Variants in PKLR observed in about 807,000 individuals in gnomAD.
PKLR encodes the protein pyruvate kinase L/R.
Under a neutral mutation model 53.6 loss-of-function variants are expected in PKLR, and 38 were observed. That is an observed-to-expected ratio of 0.71 (90% CI 0.55 to 0.93). The LOEUF is 0.93. Ranked by LOEUF, PKLR falls within the 40% of genes least tolerant of loss-of-function variation. The pLI, the probability that PKLR is intolerant of heterozygous loss-of-function variation, is 0.00. For missense variants in PKLR, 702 were observed against 787.3 expected (o/e 0.89, Z 1.30); for synonymous variants, 328 against 316.2 (o/e 1.04, Z -0.39).
At chr1:155,302,058 CTTTT>C (rs1252235912), upstream of PKLR, among the ~76,000 whole-genome samples, 2 of 150,218 alleles carry the variant, frequency 1.3e-5, no homozygotes, top group East Asian at 3.9e-4. Context: ...TTTCTTTTTT[CTTTT>C]TTTTCTTTTT....
At chr1:155,301,769 G>A (rs1179585003), upstream of PKLR, among the ~76,000 whole-genome samples, 1 of 152,106 alleles carries the variant, frequency 6.6e-6, no homozygotes, top group Admixed American at 6.5e-5. Flanking sequence ...AGGGATCACT[G>A]TGATAATATG....
At chr1:155,299,491 CTTTTTTTTTT>C (rs35869567) in intron 2 of PKLR, among the ~76,000 whole-genome samples, 6 of 42,710 alleles carry the variant, frequency 1.4e-4, no homozygotes, top group Admixed American at 4.0e-4. Context: ...GCCCAGCCCA[CTTTTTTTTTT>C]TTTTTTTTTT....
chr1:155,303,053 C>T (rs1648116679), upstream of PKLR, among the ~76,000 whole-genome samples: 1 of 152,186 alleles, frequency 6.6e-6, no homozygotes, highest in Non-Finnish European at 1.5e-5. Context: ...CCTATAAACA[C>T]CATACCCCGA....
chr1:155,299,475 C>G (rs1369137180), intron 2 of PKLR, among the ~76,000 whole-genome samples: 1 of 148,516 alleles, frequency 6.7e-6, no homozygotes, highest in Non-Finnish European at 1.5e-5. Context: ...AGGCATGAGC[C>G]ACTGAGCCCA....
Position 155,294,764 on chromosome 1 carries a change from G to A in PKLR, c.695-12C>T. On this transcript the variant is annotated splice_polypyrimidine_tract_variant and intron_variant, in intron 5 of 10. Transcript: ENST00000342741. ...CAGTCCCTCTGGGCCTGCGGACATGGAAAGAGCCAGCTGCGGTCAGGGGTG... is the reference window on the plus strand; with the variant it reads ...CAGTCCCTCTGGGCCTGCGGACATGAAAAGAGCCAGCTGCGGTCAGGGGTG... The A allele has an allele frequency of 6.2e-7, 1 of 1,613,770 alleles. No individual in the cohort carries two copies. The highest frequency in any genetic ancestry group is 1.1e-5 in the South Asian group (1 of 91,068).
Position 155,300,148 on chromosome 1 carries a change from A to G in PKLR, c.233T>C (p.Ile78Thr). 6.2e-7 allele frequency: 1 copy of G among 1,614,018 alleles called. No individual in the cohort carries two copies. The highest frequency in any genetic ancestry group is 8.5e-7 in the Non-Finnish European group (1 of 1,180,020). The change falls in exon 2 of 11, where the codon ATT (isoleucine) becomes ACT (threonine). Residue 78 changes from isoleucine (I) to threonine (T), a missense_variant. By Grantham distance (89) the Ile-to-Thr change is moderately conservative. Around this residue, in one of 2 missense-constraint regions of PKLR, gnomAD observed 519 missense variants for 537.1 expected, o/e 0.97. Transcript: ENST00000342741. ...GCGAGCAGCCACGGGCTCGGAGTCA[A>G]TGTCCAGTAGGCAGAGGTGTTCCAG... ...TFLEHLCLLDIDSEPVAARST... is the reference protein window; with the variant it reads ...TFLEHLCLLDTDSEPVAARST...
At chr1:155,306,481 G>A in the PKLR span, among the ~76,000 whole-genome samples, 1 of 152,158 alleles carries the variant, frequency 6.6e-6, no homozygotes, top group African/African-American at 2.4e-5. The surrounding 1 kb of genome is among the most constrained non-coding windows in gnomAD (Gnocchi z 4.2). Flanking sequence ...AAAGGAAGTC[G>A]GGGGGCACTG....
Position 155,300,962 on chromosome 1 carries a change from C to T in PKLR, c.100+334G>A. On this transcript the variant is annotated intron_variant, in intron 1 of 10. Coordinates refer to ENST00000342741, the MANE Select transcript of PKLR (RefSeq NM_000298.6). ...TGTTGGGTTGTCAGAGGCATGAGGC[C>T]CAGCTGGGCTGGGGATCAGTTCTGC... The T allele has an allele frequency of 1.9e-6, 3 of 1,576,966 alleles. No individual in the cohort carries two copies. The African/African-American group carries it at 4.1e-5, about 21-fold the overall frequency.
At chr1:155,294,860 C>G (rs1027664627) in intron 5 of PKLR, 108 bp from the exon 6 acceptor site, 1 of 1,355,110 alleles carries the variant, frequency 7.4e-7, no homozygotes, top group Non-Finnish European at 1.0e-6. Flanking sequence ...ACCATGTCCT[C>G]CTCATCTCTC....
the PKLR span, among the ~76,000 whole-genome samples, chr1:155,306,907 G>A: frequency 1.5e-4 from 23 of 152,228 alleles, no homozygotes; most frequent in Admixed American, 8.5e-4. This position sits in a 1 kb window ranked among gnomAD's most constrained non-coding sequence, Gnocchi z 4.2. Context: ...AGACCTTCGC[G>A]GTGAGTGTTA....
upstream of PKLR, among the ~76,000 whole-genome samples, chr1:155,305,467 G>A (rs759155914): frequency 3.9e-5 from 6 of 152,294 alleles, no homozygotes; most frequent in East Asian, 5.8e-4. Flanking sequence ...GAGGACTTCC[G>A]GAGGGAAATG....
At position 155,290,811 on chromosome 1, in the gene PKLR, A is replaced by G. The variant is rs1674498657; in HGVS notation, c.1619-133T>C. ...TGAGACCAGCCTGGCCAACATGGTG[A>G]AACCTTGTCTCTACTGAAAATACAA... On this transcript the variant is annotated intron_variant, in intron 10 of 10. Coordinates refer to ENST00000342741, the MANE Select transcript of PKLR (RefSeq NM_000298.6). 5.9e-6 allele frequency: 4 copies of G among 676,324 alleles called. No individual in the cohort carries two copies. In the Admixed American group the frequency reaches 8.2e-5, roughly 14 times the overall value. 41.9% of individuals were successfully genotyped at this position (676,324 alleles called of 1,614,324 possible).
At position 155,293,604 on chromosome 1, in the gene PKLR, T is replaced by G. The variant is rs772302948; in HGVS notation, c.1117-14A>C. ...GCTCTCCAGCATCTGGGGGACAGCG[T>G]GGATGTCAAAGTTGTAGGACTCACA... On this transcript the variant is annotated splice_polypyrimidine_tract_variant and intron_variant, in intron 7 of 10. Transcript: ENST00000342741. The surrounding 1 kb of genome is among the most constrained non-coding windows in gnomAD (Gnocchi z 4.2). The G allele has an allele frequency of 6.2e-7, 1 of 1,613,992 alleles. No homozygotes were observed. Among genetic ancestry groups the G allele is most frequent in the East Asian group, 2.2e-5 (1 of 44,882 alleles).
Position 155,300,188 on chromosome 1 carries a change from T to C in PKLR, c.193A>G (p.Met65Val), listed in dbSNP as rs773589949. 4 of 1,613,782 alleles carry C rather than the reference T, an allele frequency of 2.5e-6. No homozygotes were observed. The highest frequency in any genetic ancestry group is 3.4e-6 in the Non-Finnish European group (4 of 1,179,864). The change falls in exon 2 of 11, where the codon ATG (methionine) becomes GTG (valine). Residue 65 changes from methionine (M) to valine (V), a missense_variant. Coordinates refer to ENST00000342741, the MANE Select transcript of PKLR (RefSeq NM_000298.6). ...FFQQQQLPAA[M>V]ADTFLEHLCL... is the part of the protein sequence containing the mutation. ...AGGTGTTCCAGGAAGGTGTCTGCCA[T>C]AGCAGCTGGCAGCTGCTGCTGCTGG...
intron 2 of PKLR, 61 bp downstream of exon 2, chr1:155,300,037 A>C: frequency 1.4e-6 from 2 of 1,476,652 alleles, no homozygotes; most frequent in Non-Finnish European, 1.9e-6. Context: ...CAAAAGATGA[A>C]GAAGCACCTC....
At chr1:155,300,777 C>A (rs1647947845) in intron 1 of PKLR, 1 of 1,366,682 alleles carries the variant, frequency 7.3e-7, no homozygotes, top group South Asian at 1.2e-5. Context: ...GCTTCCCCAC[C>A]CCATCCTCTG....
intron 2 of PKLR, among the ~76,000 whole-genome samples, chr1:155,298,717 C>G (rs1459061716): frequency 2.6e-5 from 4 of 152,006 alleles, no homozygotes; most frequent in Non-Finnish European, 5.9e-5. Context: ...TCTTGGCTCA[C>G]TGCAATCTCT....
In PKLR at chr1:155,300,248, C is replaced by T; in HGVS notation, c.133G>A (p.Ala45Thr). ...PAGYLRRASV[A>T]QLTQELGTAF... ...GTGCCCAGCTCCTGGGTCAGTTGGG[C>T]CACACTGGCCCGCCGCAGATACCCC... Residue 45 changes from alanine to threonine, a missense_variant, in exon 2 of 11, where the codon GCC becomes ACC. Around this residue, in one of 2 missense-constraint regions of PKLR, gnomAD observed 519 missense variants for 537.1 expected, o/e 0.97. Transcript: ENST00000342741. 1 of 1,602,652 alleles carries T rather than the reference C, an allele frequency of 6.2e-7. No homozygotes were observed. The highest frequency in any genetic ancestry group is 8.5e-7 in the Non-Finnish European group (1 of 1,175,362).
chr1:155,305,039 G>A (rs1470887148), upstream of PKLR, among the ~76,000 whole-genome samples: 2 of 152,146 alleles, frequency 1.3e-5, no homozygotes, highest in Non-Finnish European at 2.9e-5. Context: ...AGATGAGATG[G>A]AGAGGGTGAG....
Sources: allele counts gnomAD v4.1 joint callset (sites outside exome capture counted in the v4.1 genomes callset), GRCh38; gene constraint gnomAD v4.1.1; regional missense constraint gnomAD v4.1.1; non-coding constraint Gnocchi (gnomAD v3.1); transcripts MANE v1.5; gene names NCBI Gene and HGNC (gene_info 2026-07-23, HGNC 2026-07-21).